The following DERL2 variants were observed in gnomAD, a reference collection of about 807,000 sequenced individuals.
DERL2 encodes the protein derlin 2.
DERL2 carries 13 observed loss-of-function variants against 32.0 expected under a neutral mutation model. That is an observed-to-expected ratio of 0.41 (90% CI 0.26 to 0.65). The LOEUF is 0.65. Among genes scored for constraint, DERL2 ranks in the 30% least tolerant of loss-of-function variants. DERL2 has a pLI of 0.35. For missense variants in DERL2, 208 were observed against 296.3 expected (o/e 0.70, Z 2.19); for synonymous variants, 111 against 104.7 (o/e 1.06, Z -0.37).
Position 5,471,652 on chromosome 17 carries a change from C to G in DERL2, c.*3032G>C, listed in dbSNP as rs993953193. ...AATGTAGGGGCTTACTAAGAAGTCA[C>G]TGTGGATTTCTGAGCAGAGGAGTGA... On this transcript the variant is annotated 3_prime_UTR_variant, in exon 7 of 7. Transcript: ENST00000158771. 6.6e-6 allele frequency: 1 copy of G among 152,158 alleles called. No individual in the cohort carries two copies. Among genetic ancestry groups the G allele is most frequent in the Non-Finnish European group, 1.5e-5 (1 of 68,032 alleles). The allele number at this position is 152,158 out of a possible 1,614,324, so 9.4% of individuals were successfully genotyped here.
At chr17:5,475,081 T>C (rs1326582891) in intron 6 of DERL2, among the ~76,000 whole-genome samples, 1 of 152,192 alleles carries the variant, frequency 6.6e-6, no homozygotes, top group Non-Finnish European at 1.5e-5. Context: ...ATTGTCAATG[T>C]TTTAGTTATT....
chr17:5,480,419 A>C lies in DERL2; in HGVS notation c.491T>G (p.Leu164Trp). ...GTCCACAATGATTGAGTTCCCCAAC[A>C]ACAAGGAAAATCCCATGAGCACCCA... Reference protein sequence around the residue: ...LPWVLMGFSLLLGNSIIVDLL... With the variant: ...LPWVLMGFSLWLGNSIIVDLL... The change falls in exon 5 of 7, where the codon TTG (leucine) becomes TGG (tryptophan). Residue 164 changes from leucine to tryptophan, a missense_variant. This residue lies in a region of DERL2 where 124 missense variants were observed against 215.3 expected (regional missense o/e 0.58). Transcript: ENST00000158771. 1 of 1,613,952 alleles carries C rather than the reference A, an allele frequency of 6.2e-7. No homozygotes were observed. Among genetic ancestry groups the C allele is most frequent in the Non-Finnish European group, 8.5e-7 (1 of 1,179,976 alleles).
At chr17:5,478,553 A>G (rs982626116) in intron 6 of DERL2, among the ~76,000 whole-genome samples, 8 of 152,364 alleles carry the variant, frequency 5.3e-5, no homozygotes, top group Admixed American at 2.0e-4. Flanking sequence ...AAACCTGAAC[A>G]TCCATTCTGG....
At chr17:5,478,191 T>C (rs938319614) in intron 6 of DERL2, among the ~76,000 whole-genome samples, 3 of 152,090 alleles carry the variant, frequency 2.0e-5, no homozygotes, top group African/African-American at 2.4e-5. Flanking sequence ...TAGAGAGACC[T>C]TGTCTCCACA....
intron 1 of DERL2, 62 bp downstream of exon 1, chr17:5,486,007 T>G: frequency 6.7e-7 from 1 of 1,497,670 alleles, no homozygotes. Flanking sequence ...CAAACCCCAG[T>G]TTCCTGAAGA....
At position 5,474,572 on chromosome 17, in the gene DERL2, T is replaced by G; in HGVS notation, c.*112A>C. ...CCATTTCATAAAGTGCTTCTGGAGT[T>G]AAAATCTGCCAAGCTGTCAAAAGTG... is the stretch of plus-strand genomic sequence containing the variant. On this transcript the variant is annotated 3_prime_UTR_variant, in exon 7 of 7. Coordinates refer to ENST00000158771, the MANE Select transcript of DERL2 (RefSeq NM_016041.5). The surrounding 1 kb of genome is among the most constrained non-coding windows in gnomAD (Gnocchi z 4.3). 4 of 767,920 alleles carry G rather than the reference T, an allele frequency of 5.2e-6. No individual in the cohort carries two copies. The South Asian group carries it at 7.4e-5, about 14-fold the overall frequency. The allele number at this position is 767,920 out of a possible 1,614,324, so 47.6% of individuals were successfully genotyped here. A position where few individuals can be genotyped will look rare whatever the true frequency, so the allele number is the denominator to read the frequency against.
chr17:5,482,564 A>G (rs2151707395), intron 3 of DERL2: 1 of 352,484 alleles, frequency 2.8e-6, no homozygotes, highest in African/African-American at 2.2e-5. Flanking sequence ...CCCTCCCTTG[A>G]TCAGATTTGT....
At position 5,474,653 on chromosome 17, in the gene DERL2, C is replaced by T. The variant is rs1905273969; in HGVS notation, c.*31G>A. On this transcript the variant is annotated 3_prime_UTR_variant, in exon 7 of 7. Transcript: ENST00000158771. The surrounding 1 kb of genome is among the most constrained non-coding windows in gnomAD (Gnocchi z 4.3). ...CCCAGTGGGTATCACCGAGTCCTTCCCAGCTGGGTCTCATTATTGGCACTG... is the reference window on the plus strand; with the variant it reads ...CCCAGTGGGTATCACCGAGTCCTTCTCAGCTGGGTCTCATTATTGGCACTG... The T allele has an allele frequency of 3.9e-6, 6 of 1,553,308 alleles. No homozygotes were observed. The East Asian group carries it at 1.4e-4, about 36-fold the overall frequency.
intron 6 of DERL2, among the ~76,000 whole-genome samples, chr17:5,478,848 G>A (rs766819937): frequency 6.6e-6 from 1 of 152,190 alleles, no homozygotes; most frequent in Non-Finnish European, 1.5e-5. Context: ...GAGACAGGGT[G>A]CCACTCTGTC....
chr17:5,482,523 G>A, intron 3 of DERL2: 1 of 274,346 alleles, frequency 3.6e-6, no homozygotes, highest in Non-Finnish European at 7.0e-6. Flanking sequence ...GTTGGTTACT[G>A]TGGAGGTATG....
intron 1 of DERL2, among the ~76,000 whole-genome samples, chr17:5,485,669 T>G (rs1248913583): frequency 6.6e-6 from 1 of 152,136 alleles, no homozygotes; most frequent in Non-Finnish European, 1.5e-5. Context: ...CCCTTTTTAT[T>G]ATAAGCCATT....
intron 6 of DERL2, among the ~76,000 whole-genome samples, chr17:5,476,917 A>G (rs1905425746): frequency 1.3e-5 from 2 of 152,210 alleles, no homozygotes; most frequent in Non-Finnish European, 2.9e-5. Context: ...AGGTGGCCTG[A>G]CGAGATGTTA....
rs1037162296 is a variant in DERL2 at position 5,476,519 on chromosome 17, T to C, written c.615-1730A>G. Among the ~76,000 whole-genome samples, 8 of 152,142 alleles carry C rather than the reference T, an allele frequency of 5.3e-5. No homozygotes were observed. The South Asian group carries it at 6.2e-4, about 12-fold the overall frequency. ...AGATCCCGGCAGGTGTGGTGGCTCA[T>C]GCCTGTAATCCCAGCACTTTGGGAG... On this transcript the variant is annotated intron_variant, in intron 6 of 6. Coordinates refer to ENST00000158771, the MANE Select transcript of DERL2 (RefSeq NM_016041.5).
intron 6 of DERL2, among the ~76,000 whole-genome samples, chr17:5,477,089 A>G (rs923850542): frequency 6.6e-6 from 1 of 152,234 alleles, no homozygotes; most frequent in Non-Finnish European, 1.5e-5. Context: ...ATTAATCATA[A>G]TAAGAATCAG....
intron 2 of DERL2, among the ~76,000 whole-genome samples, chr17:5,484,812 G>A (rs1418817417): frequency 6.6e-6 from 1 of 152,196 alleles, no homozygotes; most frequent in African/African-American, 2.4e-5. Flanking sequence ...CCTCTCATAG[G>A]ACAACGTTAA....
intron 2 of DERL2, among the ~76,000 whole-genome samples, chr17:5,483,659 T>A (rs1403271519): frequency 6.6e-6 from 1 of 152,236 alleles, no homozygotes; most frequent in East Asian, 1.9e-4. Context: ...GTTGACTGAC[T>A]AGCTGAATAC....
chr17:5,478,489 C>T (rs933879339), intron 6 of DERL2, among the ~76,000 whole-genome samples: 1 of 152,206 alleles, frequency 6.6e-6, no homozygotes, highest in Non-Finnish European at 1.5e-5. Flanking sequence ...AAATGCCTTC[C>T]TTGTTTGATT....
chr17:5,486,261 T>G, upstream of DERL2: 1 of 959,550 alleles, frequency 1.0e-6, no homozygotes, highest in Non-Finnish European at 1.5e-6. Context: ...CCGCCCACTT[T>G]AGTTTTCCCG....
intron 6 of DERL2, among the ~76,000 whole-genome samples, chr17:5,477,192 A>G (rs1281034129): frequency 6.6e-6 from 1 of 152,256 alleles, no homozygotes; most frequent in African/African-American, 2.4e-5. Flanking sequence ...TTACCAATAA[A>G]TACAAGAACA....
Sources: gnomAD v4.1 joint callset for allele counts (sites outside exome capture counted in the v4.1 genomes callset) on GRCh38, gnomAD v4.1.1 for gene constraint, gnomAD v4.1.1 regional missense constraint, Gnocchi (gnomAD v3.1) non-coding constraint, MANE v1.5 for transcripts, NCBI Gene and HGNC (gene_info 2026-07-23, HGNC 2026-07-21) for gene names.